RGL1: variants seen among roughly 807,000 people sequenced by gnomAD.
RGL1 encodes ral guanine nucleotide dissociation stimulator-like 1.
In RGL1, 24 loss-of-function variants were observed where a neutral mutation model predicts 95.2. That is an observed-to-expected ratio of 0.25 (90% CI 0.18 to 0.35). The LOEUF is 0.35. Ranked by LOEUF, RGL1 falls within the 10% of genes least tolerant of loss-of-function variation. RGL1 has a pLI of 1.00. For missense variants in RGL1, 715 were observed against 936.3 expected (o/e 0.76, Z 3.08); for synonymous variants, 329 against 344.9 (o/e 0.95, Z 0.51).
intron 1 of RGL1, among the ~76,000 whole-genome samples, chr1:183,669,124 A>G (rs1003401752): frequency 1.5e-4 from 23 of 151,684 alleles, no homozygotes; most frequent in African/African-American, 5.1e-4. Flanking sequence ...TTGTATTTTT[A>G]GTAGAGATGG....
intron 1 of RGL1, among the ~76,000 whole-genome samples, chr1:183,690,740 AAAAG>A (rs919336393): frequency 6.6e-6 from 1 of 152,216 alleles, no homozygotes; most frequent in Non-Finnish European, 1.5e-5. Flanking sequence ...ATAAAAAAAA[AAAAG>A]AATGTATTTC....
At chr1:183,700,538 C>A (rs953297952) in intron 1 of RGL1, among the ~76,000 whole-genome samples, 6 of 145,748 alleles carry the variant, frequency 4.1e-5, no homozygotes, top group African/African-American at 1.5e-4. Flanking sequence ...ATCTATCAAC[C>A]TGTCATCTAG....
At chr1:183,772,037 C>T (rs1187370603) in intron 2 of RGL1, among the ~76,000 whole-genome samples, 1 of 152,220 alleles carries the variant, frequency 6.6e-6, no homozygotes, top group Non-Finnish European at 1.5e-5. Flanking sequence ...CGGAGGAGAG[C>T]GCCCGCTGCC....
At chr1:183,872,203 T>C (rs1328688341) in intron 4 of RGL1, among the ~76,000 whole-genome samples, 4 of 152,216 alleles carry the variant, frequency 2.6e-5, no homozygotes, top group Non-Finnish European at 5.9e-5. Context: ...AGATTTATTA[T>C]AGTCATTGAA....
chr1:183,781,135 T>G (rs1415407548), intron 2 of RGL1, among the ~76,000 whole-genome samples: 1 of 152,232 alleles, frequency 6.6e-6, no homozygotes, highest in African/African-American at 2.4e-5. Context: ...CTAGTTCCTC[T>G]TATCAAAATC....
intron 1 of RGL1, among the ~76,000 whole-genome samples, chr1:183,713,519 G>A (rs370649119): frequency 6.6e-5 from 10 of 151,986 alleles, no homozygotes; most frequent in South Asian, 2.1e-4. Context: ...TTCTCAATGC[G>A]ATGGCATTTG....
chr1:183,840,854 T>G (rs142453616), intron 2 of RGL1, among the ~76,000 whole-genome samples: 2,004 of 152,228 alleles, frequency 0.013, 36 homozygotes, highest in African/African-American at 0.044. Flanking sequence ...ATTGCACCAC[T>G]GTACTGCGGC....
rs1428027027 is a variant in RGL1, at chr1:183,892,152, A to G, written c.1131A>G (p.Leu377=). 2.0e-5 allele frequency: 32 copies of G among 1,610,838 alleles called. No homozygotes were observed. Among genetic ancestry groups the G allele is most frequent in the Non-Finnish European group, 2.7e-5 (32 of 1,177,622 alleles). The part of the protein sequence containing the change: ...DHNNHLTSRE[L]LMKEGTSKFA... ...ATAACCATTTGACCAGCCGAGAACT[A>G]CTGATGAAGGTGAGGCTCTTAGTGA... Residue 377 remains leucine (L), a synonymous_variant, in exon 9 of 18, where the codon CTA becomes CTG. Transcript: ENST00000360851.
At chr1:183,916,140 A>G (rs1262962141) in intron 15 of RGL1, among the ~76,000 whole-genome samples, 3 of 152,116 alleles carry the variant, frequency 2.0e-5, no homozygotes, top group African/African-American at 7.2e-5. Flanking sequence ...TATTGCCTCC[A>G]GTTTCTGGTG....
chr1:183,735,006 A>G (rs1014430746), intron 1 of RGL1, among the ~76,000 whole-genome samples: 1 of 152,072 alleles, frequency 6.6e-6, no homozygotes, highest in Non-Finnish European at 1.5e-5. Flanking sequence ...CAAAGCAGGG[A>G]TTGCTGAGCA....
chr1:183,871,351 A>G lies in RGL1; in HGVS notation c.425+5278A>G, dbSNP rs557716465. Among the ~76,000 whole-genome samples, 58 of 152,316 alleles carry G rather than the reference A, an allele frequency of 3.8e-4. 1 individual carries two copies. In the South Asian group the frequency reaches 0.01, roughly 27 times the overall value. On this transcript the variant is annotated intron_variant, in intron 4 of 17. Coordinates refer to ENST00000360851, the MANE Select transcript of RGL1 (RefSeq NM_001297671.3). ...TAAGGCAAGGAGTGGCAAAATGCCC[A>G]TTGTTTTCTTTTGCTATGAATCTGT...
chr1:183,658,083 A>T (rs1174513047), intron 1 of RGL1, among the ~76,000 whole-genome samples: 1 of 152,204 alleles, frequency 6.6e-6, no homozygotes, highest in Non-Finnish European at 1.5e-5. Context: ...TGGAGCCGAG[A>T]TGGCCGAATA....
chr1:183,664,709 A>G (rs540647456), intron 1 of RGL1, among the ~76,000 whole-genome samples: 2 of 152,180 alleles, frequency 1.3e-5, no homozygotes, highest in Non-Finnish European at 2.9e-5. Context: ...TGATAAAGCT[A>G]AGGACAAGAA....
chr1:183,637,551 T>C (rs1236704546), intron 1 of RGL1, among the ~76,000 whole-genome samples: 2 of 152,180 alleles, frequency 1.3e-5, no homozygotes, highest in Non-Finnish European at 2.9e-5. Flanking sequence ...AAAATACATA[T>C]ATAATGTGTG....
intron 3 of RGL1, among the ~76,000 whole-genome samples, chr1:183,848,634 T>C (rs1448415837): frequency 6.6e-6 from 1 of 152,186 alleles, no homozygotes; most frequent in African/African-American, 2.4e-5. Context: ...TCTTACACTG[T>C]GGAAGAATAT....
At chr1:183,654,960 C>T (rs960793387) in intron 1 of RGL1, among the ~76,000 whole-genome samples, 1 of 152,148 alleles carries the variant, frequency 6.6e-6, no homozygotes, top group African/African-American at 2.4e-5. Context: ...AGGCCTTTAC[C>T]ATGGTTCCTG....
At chr1:183,873,273 G>GTAAACAA (rs1666293876) in intron 4 of RGL1, among the ~76,000 whole-genome samples, 1 of 152,208 alleles carries the variant, frequency 6.6e-6, no homozygotes, top group Non-Finnish European at 1.5e-5. Context: ...TCCCTGCACA[G>GTAAACAA]CATTGTAAAC....
chr1:183,760,130 G>C (rs1003085764), intron 2 of RGL1, among the ~76,000 whole-genome samples: 1 of 152,102 alleles, frequency 6.6e-6, no homozygotes, highest in African/African-American at 2.4e-5. Context: ...AGGCTATTAA[G>C]TGTGCAAGAG....
At chr1:183,647,742 A>G in intron 1 of RGL1, 1 of 1,613,658 alleles carries the variant, frequency 6.2e-7, no homozygotes, top group Admixed American at 1.7e-5. Context: ...CTGTTCTGTG[A>G]TTTCCACTAT....
Sources: gnomAD v4.1 joint callset for allele counts (sites outside exome capture counted in the v4.1 genomes callset) on GRCh38, gnomAD v4.1.1 for gene constraint, MANE v1.5 for transcripts, NCBI Gene and HGNC (gene_info 2026-07-23, HGNC 2026-07-21) for gene names.